Variants in KCNK3 observed in about 807,000 individuals in gnomAD.
KCNK3 encodes the protein potassium channel subfamily K member 3.
In KCNK3, 9 loss-of-function variants were observed where a neutral mutation model predicts 27.3. That is an observed-to-expected ratio of 0.33 (90% CI 0.20 to 0.57). The LOEUF (loss-of-function observed/expected upper bound fraction) is 0.57. KCNK3 is among the 20% of genes least tolerant of loss of function. KCNK3 has a pLI of 0.87. For missense variants in KCNK3, 391 were observed against 577.7 expected, an observed-to-expected ratio of 0.68 and a Z score of 3.31; for synonymous variants, 278 against 273.8, an observed-to-expected ratio of 1.02 and a Z score of -0.15.
chr2:26,707,239 G>A (rs1292770214), intron 1 of KCNK3, among the ~76,000 whole-genome samples: 1 of 152,218 alleles, frequency 6.6e-6, no homozygotes, highest in African/African-American at 2.4e-5. Flanking sequence ...CACCCGGACA[G>A]GGTCAGCTGC....
chr2:26,693,238 G>A lies in KCNK3; in HGVS notation c.283+80G>A. Reference sequence around the variant, plus strand: ...GAGTCGTCCGGGGCCGGCTGGGGCTGGGGGCGGGGGCTCCCCCGAGAGGGG... The same window carrying A: ...GAGTCGTCCGGGGCCGGCTGGGGCTAGGGGCGGGGGCTCCCCCGAGAGGGG... On this transcript the variant is annotated intron_variant, in intron 1 of 1. Transcript: ENST00000302909. This position sits in a 1 kb window ranked among gnomAD's most constrained non-coding sequence, Gnocchi z 5.5. 1 of 1,178,994 alleles carries A rather than the reference G, an allele frequency of 8.5e-7. No individual in the cohort carries two copies. Among genetic ancestry groups the A allele is most frequent in the Non-Finnish European group, 1.1e-6 (1 of 899,832 alleles). The allele number at this position is 1,178,994 out of a possible 1,614,324, so 73.0% of individuals were successfully genotyped here. A position where few individuals can be genotyped will look rare whatever the true frequency, so the allele number is the denominator to read the frequency against.
intron 1 of KCNK3, among the ~76,000 whole-genome samples, chr2:26,727,072 C>A (rs1663433541): frequency 6.6e-6 from 1 of 152,178 alleles, no homozygotes; most frequent in Admixed American, 6.5e-5. Flanking sequence ...TGCCAAGCAA[C>A]CCCACATAAG....
At chr2:26,712,241 C>T (rs1334820137) in intron 1 of KCNK3, among the ~76,000 whole-genome samples, 2 of 152,192 alleles carry the variant, frequency 1.3e-5, no homozygotes, top group South Asian at 2.1e-4. Flanking sequence ...TCCCTGTCTC[C>T]GTGTAAAGGG....
intron 1 of KCNK3, among the ~76,000 whole-genome samples, chr2:26,698,108 G>C (rs1402078685): frequency 6.6e-6 from 1 of 152,128 alleles, no homozygotes; most frequent in Non-Finnish European, 1.5e-5. Flanking sequence ...CCTCCAGCCT[G>C]TCCCCCACAT....
chr2:26,700,470 A>G (rs1670293145), intron 1 of KCNK3, among the ~76,000 whole-genome samples: 1 of 152,220 alleles, frequency 6.6e-6, no homozygotes, highest in African/African-American at 2.4e-5. Flanking sequence ...GCCAGCCTCA[A>G]CTGTGGCCTG....
chr2:26,723,732 G>C (rs1425200198), intron 1 of KCNK3, among the ~76,000 whole-genome samples: 1 of 152,150 alleles, frequency 6.6e-6, no homozygotes, highest in Admixed American at 6.5e-5. Flanking sequence ...GATGGCTAAG[G>C]GTATTTCTGG....
At position 26,721,757 on chromosome 2, in the gene KCNK3, G is replaced by A. The variant is rs1212700805; in HGVS notation, c.284-5910G>A. On this transcript the variant is annotated intron_variant, in intron 1 of 1. Coordinates refer to ENST00000302909, the MANE Select transcript of KCNK3 (RefSeq NM_002246.3). The surrounding 1 kb of genome is among the most constrained non-coding windows in gnomAD (Gnocchi z 4.3). Reference sequence around the variant, plus strand: ...GCCCAAGCCACACTGAGGTCACTTCGGCATCAGCCCAGAGTTCACGGCCTT... The same window carrying A: ...GCCCAAGCCACACTGAGGTCACTTCAGCATCAGCCCAGAGTTCACGGCCTT... Among the ~76,000 whole-genome samples, 2 of 152,196 alleles carry A rather than the reference G, an allele frequency of 1.3e-5. No individual in the cohort carries two copies. The highest frequency in any genetic ancestry group is 2.4e-5 in the African/African-American group (1 of 41,450).
intron 1 of KCNK3, among the ~76,000 whole-genome samples, chr2:26,706,270 C>G (rs1395428287): frequency 6.6e-6 from 1 of 151,998 alleles, no homozygotes; most frequent in Non-Finnish European, 1.5e-5. Flanking sequence ...AGTGGGTGGC[C>G]CCCAGAGAAG....
At chr2:26,717,403 C>A (rs542467753) in intron 1 of KCNK3, among the ~76,000 whole-genome samples, 1 of 152,192 alleles carries the variant, frequency 6.6e-6, no homozygotes, top group East Asian at 1.9e-4. Flanking sequence ...ACAGGAAAGG[C>A]CTGGGAGTGT....
At chr2:26,707,397 A>T (rs1414898284) in intron 1 of KCNK3, among the ~76,000 whole-genome samples, 2 of 152,298 alleles carry the variant, frequency 1.3e-5, no homozygotes, top group East Asian at 1.9e-4. Context: ...CTGGCCCAGG[A>T]TGTGTGTACT....
chr2:26,709,303 C>T (rs368569796), intron 1 of KCNK3, among the ~76,000 whole-genome samples: 24 of 152,114 alleles, frequency 1.6e-4, no homozygotes, highest in African/African-American at 4.8e-4. Context: ...GAAAGTCATG[C>T]GCCAGATGAG....
chr2:26,692,753 C>A lies in KCNK3; in HGVS notation c.-123C>A. The stretch of plus-strand genomic sequence containing the variant: ...GGCGGCCCCGGGCGCTGAGCGGGTG[C>A]CCGGCGCGGAGAGCGGCGAGCGCAG... On this transcript the variant is annotated 5_prime_UTR_variant, in exon 1 of 2. Coordinates refer to ENST00000302909, the MANE Select transcript of KCNK3 (RefSeq NM_002246.3). This position sits in a 1 kb window ranked among gnomAD's most constrained non-coding sequence, Gnocchi z 5.6. 1 of 439,600 alleles carries A rather than the reference C, an allele frequency of 2.3e-6. No homozygotes were observed. The highest frequency in any genetic ancestry group is 1.6e-4 in the East Asian group (1 of 6,402). The allele number at this position is 439,600 out of a possible 1,614,324, so 27.2% of individuals were successfully genotyped here.
At chr2:26,724,658 G>A (rs929827576) in intron 1 of KCNK3, 4 of 981,078 alleles carry the variant, frequency 4.1e-6, no homozygotes, top group African/African-American at 3.5e-5. Flanking sequence ...CTAGGCCAGG[G>A]CTGCCTGGAC....
chr2:26,726,316 G>A (rs1243730524), intron 1 of KCNK3, among the ~76,000 whole-genome samples: 1 of 152,132 alleles, frequency 6.6e-6, no homozygotes, highest in African/African-American at 2.4e-5. Context: ...GCTCTATGTA[G>A]TTGGGGATCC....
At chr2:26,698,724 C>G (rs556727528) in intron 1 of KCNK3, among the ~76,000 whole-genome samples, 1 of 152,262 alleles carries the variant, frequency 6.6e-6, no homozygotes, top group East Asian at 1.9e-4. Flanking sequence ...TCCCACTCCC[C>G]ACCCCCCATC....
intron 1 of KCNK3, among the ~76,000 whole-genome samples, chr2:26,715,994 G>A (rs1331673637): frequency 1.3e-5 from 2 of 152,218 alleles, no homozygotes; most frequent in Admixed American, 1.3e-4. Context: ...ACGCTGAAGG[G>A]CCTCAAGAAT....
intron 1 of KCNK3, among the ~76,000 whole-genome samples, chr2:26,722,600 C>T (rs1663345787): frequency 1.3e-5 from 2 of 152,230 alleles, no homozygotes; most frequent in African/African-American, 2.4e-5. Context: ...GAGATCCTCT[C>T]CCTGTGTTCA....
intron 1 of KCNK3, among the ~76,000 whole-genome samples, chr2:26,725,589 G>T (rs1663402171): frequency 6.6e-6 from 1 of 152,156 alleles, no homozygotes; most frequent in Admixed American, 6.5e-5. Context: ...AGTTGTCGAG[G>T]TGAGTTGTGG....
chr2:26,706,497 A>C (rs965709826), intron 1 of KCNK3, among the ~76,000 whole-genome samples: 7 of 152,174 alleles, frequency 4.6e-5, no homozygotes, highest in Admixed American at 1.3e-4. Context: ...CTTCTTCAGC[A>C]TGACTCTGAG....
Sources: allele counts gnomAD v4.1 joint callset (sites outside exome capture counted in the v4.1 genomes callset), GRCh38; gene constraint gnomAD v4.1.1; non-coding constraint Gnocchi (gnomAD v3.1); transcripts MANE v1.5; gene names NCBI Gene and HGNC (gene_info 2026-07-23, HGNC 2026-07-21).